Variants in RCSD1 observed in about 807,000 individuals in gnomAD.
RCSD1 encodes capZ-interacting protein.
In RCSD1, 26 loss-of-function variants were observed where a neutral mutation model predicts 42.5. The ratio of observed to expected loss-of-function variants is 0.61; its 90% CI spans 0.45 to 0.85. The LOEUF (loss-of-function observed/expected upper bound fraction) is 0.85. RCSD1 is among the 40% of genes least tolerant of loss of function. RCSD1 has a pLI of 0.00. For missense variants in RCSD1, 571 were observed against 528.3 expected, an observed-to-expected ratio of 1.08 and a Z score of -0.79; for synonymous variants, 220 against 212.2, an observed-to-expected ratio of 1.04 and a Z score of -0.32.
At chr1:167,692,199 T>C (rs988530019) in intron 4 of RCSD1, among the ~76,000 whole-genome samples, 1 of 152,240 alleles carries the variant, frequency 6.6e-6, no homozygotes, top group Non-Finnish European at 1.5e-5. Flanking sequence ...GTTGGGAATA[T>C]GTGGGAGAAA....
chr1:167,656,833 T>A (rs1658436055), intron 1 of RCSD1, among the ~76,000 whole-genome samples: 1 of 152,200 alleles, frequency 6.6e-6, no homozygotes. Flanking sequence ...CCCTTTTCCA[T>A]CTGCTCTAAA....
chr1:167,654,730 G>A (rs1658384514), intron 1 of RCSD1, among the ~76,000 whole-genome samples: 1 of 152,176 alleles, frequency 6.6e-6, no homozygotes, highest in South Asian at 2.1e-4. Flanking sequence ...AGAGGAAGGA[G>A]AGCAGAAAGA....
chr1:167,702,769 C>T lies in RCSD1; in HGVS notation c.1219-1895C>T, dbSNP rs766251150. ...ACTCTGGCCTGGGTGACAGAGACTC[C>T]GTCTAAAAATAAATAAAATAAATAC... On this transcript the variant is annotated intron_variant, in intron 6 of 6. Coordinates refer to ENST00000367854, the MANE Select transcript of RCSD1 (RefSeq NM_052862.4). Among the ~76,000 whole-genome samples, 30 of 151,946 alleles carry T rather than the reference C, an allele frequency of 2.0e-4. 1 individual carries two copies. The highest frequency in any genetic ancestry group is 1.4e-3 in the Admixed American group (21 of 15,244).
chr1:167,642,438 C>T (rs1017322210), intron 1 of RCSD1, among the ~76,000 whole-genome samples: 1 of 152,210 alleles, frequency 6.6e-6, no homozygotes, highest in East Asian at 1.9e-4. Context: ...ATAATGTTTT[C>T]AATGATGTCA....
intron 1 of RCSD1, among the ~76,000 whole-genome samples, chr1:167,659,306 T>A (rs1295407469): frequency 6.6e-6 from 1 of 152,196 alleles, no homozygotes; most frequent in Admixed American, 6.5e-5. Flanking sequence ...TTTTCATCTG[T>A]GTTAGAATAC....
chr1:167,677,157 C>A (rs1260912677), intron 1 of RCSD1, among the ~76,000 whole-genome samples: 3 of 152,194 alleles, frequency 2.0e-5, no homozygotes. Context: ...CTATTTCTTG[C>A]AGTTCTTCTT....
intron 1 of RCSD1, among the ~76,000 whole-genome samples, chr1:167,639,337 T>C (rs925220728): frequency 5.3e-5 from 8 of 152,232 alleles, no homozygotes; most frequent in Non-Finnish European, 1.2e-4. Flanking sequence ...ATAATGACTT[T>C]ATTGATTTTG....
chr1:167,679,111 CAAG>C (rs1435220316), intron 1 of RCSD1, among the ~76,000 whole-genome samples: 1 of 152,200 alleles, frequency 6.6e-6, no homozygotes, highest in Non-Finnish European at 1.5e-5. Context: ...TGCCTATTAA[CAAG>C]AGACTAAGTT....
At chr1:167,635,552 G>A (rs753799406) in intron 1 of RCSD1, among the ~76,000 whole-genome samples, 8 of 152,220 alleles carry the variant, frequency 5.3e-5, no homozygotes, top group Non-Finnish European at 1.0e-4. Context: ...CTTGGCGCGC[G>A]CGGTTCCGTG....
intron 4 of RCSD1, among the ~76,000 whole-genome samples, chr1:167,693,744 A>G (rs2101717896): frequency 6.6e-6 from 1 of 152,366 alleles, no homozygotes; most frequent in Non-Finnish European, 1.5e-5. Flanking sequence ...AGGGGATCAC[A>G]GAGCCTGACT....
chr1:167,632,065 A>G (rs912202383), intron 1 of RCSD1, among the ~76,000 whole-genome samples: 2 of 152,252 alleles, frequency 1.3e-5, no homozygotes, highest in Non-Finnish European at 2.9e-5. Flanking sequence ...AGCGAAGCTC[A>G]GCAGGTGGTG....
In RCSD1 at chr1:167,704,930, A is replaced by G; in HGVS notation, c.*234A>G. 2.0e-6 allele frequency: 1 copy of G among 492,262 alleles called. No homozygotes were observed. Among genetic ancestry groups the G allele is most frequent in the South Asian group, 2.1e-5 (1 of 47,202 alleles). The allele number at this position is 492,262 out of a possible 1,614,324, so 30.5% of individuals were successfully genotyped here. A position where few individuals can be genotyped will look rare whatever the true frequency, so the allele number is the denominator to read the frequency against. ...ACTTTTATCAGCTTGAGTTTATGTCATTTGATGGACTTGGTTCAACAACAA... is the reference window on the plus strand; with the variant it reads ...ACTTTTATCAGCTTGAGTTTATGTCGTTTGATGGACTTGGTTCAACAACAA... On this transcript the variant is annotated 3_prime_UTR_variant, in exon 7 of 7. Coordinates refer to ENST00000367854, the MANE Select transcript of RCSD1 (RefSeq NM_052862.4).
chr1:167,704,232 G>A (rs112746780), intron 6 of RCSD1, among the ~76,000 whole-genome samples: 1,548 of 152,208 alleles, frequency 0.01, 28 homozygotes, highest in African/African-American at 0.035. Context: ...AGAATCTTGA[G>A]CAGTGTTTCA....
intron 6 of RCSD1, among the ~76,000 whole-genome samples, chr1:167,702,321 A>G (rs1393922979): frequency 6.6e-6 from 1 of 152,200 alleles, no homozygotes; most frequent in Non-Finnish European, 1.5e-5. Flanking sequence ...TGCCCCTCAC[A>G]AGTGTTTTAA....
chr1:167,691,204 T>C (rs773591731), intron 4 of RCSD1, among the ~76,000 whole-genome samples: 1 of 152,214 alleles, frequency 6.6e-6, no homozygotes, highest in Non-Finnish European at 1.5e-5. Flanking sequence ...CTCCAACAAG[T>C]TGTGACAATG....
intron 1 of RCSD1, among the ~76,000 whole-genome samples, chr1:167,640,011 G>A (rs1209116093): frequency 6.6e-6 from 1 of 152,204 alleles, no homozygotes; most frequent in East Asian, 1.9e-4. Flanking sequence ...GAAGAACAAG[G>A]ATGATTCCAA....
chr1:167,668,878 T>G (rs949586864), intron 1 of RCSD1, among the ~76,000 whole-genome samples: 2 of 152,208 alleles, frequency 1.3e-5, no homozygotes, highest in Non-Finnish European at 2.9e-5. Flanking sequence ...TGTCAGTTTT[T>G]CAGATTGTGC....
At chr1:167,694,348 G>C in intron 5 of RCSD1, 46 bp downstream of exon 5, 1 of 1,547,426 alleles carries the variant, frequency 6.5e-7, no homozygotes, top group South Asian at 1.2e-5. Flanking sequence ...TGGAAATGTG[G>C]GCACTGGCAC....
At chr1:167,685,941 C>T (rs1356042857) in intron 3 of RCSD1, among the ~76,000 whole-genome samples, 5 of 152,094 alleles carry the variant, frequency 3.3e-5, no homozygotes, top group East Asian at 3.9e-4. Flanking sequence ...GAGAAAACCC[C>T]GTGATTCTGC....
Sources: gnomAD v4.1 joint callset for allele counts (sites outside exome capture counted in the v4.1 genomes callset) on GRCh38, gnomAD v4.1.1 for gene constraint, MANE v1.5 for transcripts, NCBI Gene and HGNC (gene_info 2026-07-23, HGNC 2026-07-21) for gene names.